Variants in LRP1B observed in about 807,000 individuals in gnomAD.
LRP1B encodes the protein LDL receptor related protein 1B.
LRP1B carries 217 observed loss-of-function variants against 556.6 expected under a neutral mutation model. That is an observed-to-expected ratio of 0.39 (90% confidence interval 0.35 to 0.44). LRP1B has a LOEUF of 0.44. Ranked by LOEUF, LRP1B falls within the 20% of genes least tolerant of loss-of-function variation. LRP1B has a pLI of 1.00. For synonymous variants in LRP1B, 2,047 were observed against 1,865.8 expected (o/e 1.10, Z -2.50); for missense variants, 5,053 against 5,620.8 (o/e 0.90, Z 3.23).
At chr2:140,956,989 T>C (rs1695893050) in intron 18 of LRP1B, among the ~76,000 whole-genome samples, 1 of 151,540 alleles carries the variant, frequency 6.6e-6, no homozygotes. Flanking sequence ...AATGAGTGAG[T>C]GAATGAAAGA....
At chr2:140,776,644 A>T (rs2104952457) in intron 32 of LRP1B, among the ~76,000 whole-genome samples, 1 of 152,138 alleles carries the variant, frequency 6.6e-6, no homozygotes, top group African/African-American at 2.4e-5. Flanking sequence ...AAAATCTAAC[A>T]AAATATCTAA....
In LRP1B at chr2:140,919,401, T is replaced by G. The variant is rs186956482; in HGVS notation, c.3319+3564A>C. On this transcript the variant is annotated intron_variant, in intron 21 of 90. Transcript: ENST00000389484. ...AAGTTCAGCTCAATTGCAGTGCCTG[T>G]GTCCTCCCATCTCTTTAGGCACATG... Among the ~76,000 whole-genome samples, 37 of 152,220 alleles carry G rather than the reference T, an allele frequency of 2.4e-4. No individual in the cohort carries two copies. In the East Asian group the frequency reaches 4.4e-3, roughly 18 times the overall value.
chr2:141,486,419 G>T, intron 2 of LRP1B, among the ~76,000 whole-genome samples: 1 of 152,062 alleles, frequency 6.6e-6, no homozygotes, highest in South Asian at 2.1e-4. Context: ...ATTAATAGGG[G>T]ATAATAAAGG....
At chr2:141,818,675 T>C (rs1280334086) in intron 1 of LRP1B, among the ~76,000 whole-genome samples, 1 of 150,842 alleles carries the variant, frequency 6.6e-6, no homozygotes, top group African/African-American at 2.4e-5. Flanking sequence ...TAGCTAGGAC[T>C]ACAGGCGCCT....
chr2:141,812,738 G>A (rs1040860014), intron 1 of LRP1B, among the ~76,000 whole-genome samples: 20 of 152,076 alleles, frequency 1.3e-4, no homozygotes, highest in African/African-American at 4.8e-4. Context: ...CCATCTCCTA[G>A]GAGACTCTTG....
intron 18 of LRP1B, among the ~76,000 whole-genome samples, chr2:140,975,703 A>T (rs774347661): frequency 6.6e-5 from 10 of 152,184 alleles, no homozygotes; most frequent in Non-Finnish European, 1.3e-4. Context: ...ATTATATTTC[A>T]TGTCAATATT....
chr2:140,353,948 T>A, intron 75 of LRP1B, among the ~76,000 whole-genome samples: 1 of 152,028 alleles, frequency 6.6e-6, no homozygotes, highest in East Asian at 1.9e-4. Context: ...TATATATGAA[T>A]AAATACCTCT....
At chr2:140,308,921 T>C (rs1029363214) in intron 83 of LRP1B, among the ~76,000 whole-genome samples, 46 of 151,840 alleles carry the variant, frequency 3.0e-4, no homozygotes, top group African/African-American at 1.1e-3. Context: ...AGTACCACTG[T>C]GTCATCCAGT....
chr2:141,055,912 T>C (rs1161181646), intron 9 of LRP1B, among the ~76,000 whole-genome samples: 1 of 150,194 alleles, frequency 6.7e-6, no homozygotes, highest in African/African-American at 2.5e-5. Flanking sequence ...GCATAAAAGC[T>C]ACTAAAGAAA....
At chr2:140,735,467 C>A (rs1011182360) in intron 35 of LRP1B, among the ~76,000 whole-genome samples, 1 of 152,082 alleles carries the variant, frequency 6.6e-6, no homozygotes, top group African/African-American at 2.4e-5. Context: ...GCAGAGCAAA[C>A]AGACGCTCTA....
chr2:141,117,342 G>C (rs1269762403), intron 7 of LRP1B, among the ~76,000 whole-genome samples: 1 of 150,770 alleles, frequency 6.6e-6, no homozygotes, highest in African/African-American at 2.4e-5. Context: ...GTCACTTTTA[G>C]TGGAGTTTCT....
At chr2:141,789,431 G>A (rs544436786) in intron 2 of LRP1B, among the ~76,000 whole-genome samples, 1 of 151,966 alleles carries the variant, frequency 6.6e-6, no homozygotes, top group Admixed American at 6.6e-5. Context: ...AAAAATAAGA[G>A]AAGTAGTTTT....
At position 140,385,878 on chromosome 2, in the gene LRP1B, G is replaced by C. The variant is rs760752741; in HGVS notation, c.10531+15C>G. The C allele has an allele frequency of 2.6e-6, 4 of 1,540,018 alleles. No homozygotes were observed. The highest frequency in any genetic ancestry group is 3.6e-6 in the Non-Finnish European group (4 of 1,113,202). On this transcript the variant is annotated intron_variant, in intron 67 of 90. Coordinates refer to ENST00000389484, the MANE Select transcript of LRP1B (RefSeq NM_018557.3). Reference sequence around the variant, plus strand: ...GCTGTCAAGCTCAAAACATTATTAGGCAAGAGTTACTTACTACAGTTTTCT... The same window carrying C: ...GCTGTCAAGCTCAAAACATTATTAGCCAAGAGTTACTTACTACAGTTTTCT...
At chr2:140,340,913 C>A (rs897901849) in intron 77 of LRP1B, among the ~76,000 whole-genome samples, 8 of 151,370 alleles carry the variant, frequency 5.3e-5, no homozygotes, top group Non-Finnish European at 8.9e-5. Context: ...TACATAACTT[C>A]TTTATATAAT....
chr2:141,917,358 G>A (rs1161310902), intron 1 of LRP1B, among the ~76,000 whole-genome samples: 1 of 152,162 alleles, frequency 6.6e-6, no homozygotes, highest in Admixed American at 6.5e-5. Context: ...ATGGTGTGTG[G>A]TGTGTAGATA....
At chr2:140,634,388 C>T (rs899585533) in intron 41 of LRP1B, among the ~76,000 whole-genome samples, 13 of 151,954 alleles carry the variant, frequency 8.6e-5, no homozygotes, top group Non-Finnish European at 1.3e-4. Context: ...ATGATAAATT[C>T]ATAAGTGGAG....
chr2:141,044,719 G>A lies in LRP1B; in HGVS notation c.1789+4267C>T, dbSNP rs200007018. ...GAAATGCAAATCAAAACCACAATGA[G>A]ATACCATCTCACACCAGTTAGAATG... On this transcript the variant is annotated intron_variant, in intron 11 of 90. Coordinates refer to ENST00000389484, the MANE Select transcript of LRP1B (RefSeq NM_018557.3). Among the ~76,000 whole-genome samples the A allele has an allele frequency of 3.6e-4, 54 of 150,774 alleles. 1 individual carries two copies. In the East Asian group the frequency reaches 6.9e-3, roughly 19 times the overall value.
At chr2:141,128,843 A>G (rs1574103731) in intron 7 of LRP1B, among the ~76,000 whole-genome samples, 1 of 152,218 alleles carries the variant, frequency 6.6e-6, no homozygotes, top group African/African-American at 2.4e-5. Flanking sequence ...AACAAAATGT[A>G]TTCCTATTAA....
At position 141,194,918 on chromosome 2, in the gene LRP1B, G is replaced by A. The variant is rs149435624; in HGVS notation, c.851-6335C>T. Among the ~76,000 whole-genome samples, 291 of 152,146 alleles carry A rather than the reference G, an allele frequency of 1.9e-3. 1 individual carries two copies. Among genetic ancestry groups the A allele is most frequent in the African/African-American group, 6.8e-3 (281 of 41,524 alleles). ...CCCTTTAATTTATATCTTTTTGACTGCTTGTGATGTGCATGTACTAGAGAA... is the reference window on the plus strand; with the variant it reads ...CCCTTTAATTTATATCTTTTTGACTACTTGTGATGTGCATGTACTAGAGAA... On this transcript the variant is annotated intron_variant, in intron 6 of 90. Transcript: ENST00000389484.
Sources: gnomAD v4.1 joint callset for allele counts (sites outside exome capture counted in the v4.1 genomes callset) on GRCh38, gnomAD v4.1.1 for gene constraint, MANE v1.5 for transcripts, NCBI Gene and HGNC (gene_info 2026-07-23, HGNC 2026-07-21) for gene names.